EPHA3: variants seen among roughly 807,000 people sequenced by gnomAD.
EPHA3 encodes the protein EPH receptor A3.
In EPHA3, 42 loss-of-function variants were observed where a neutral mutation model predicts 107.1. That is an observed-to-expected ratio of 0.39 (90% CI 0.31 to 0.51). The LOEUF (loss-of-function observed/expected upper bound fraction) is 0.51, where lower values mean the gene tolerates loss of function less well. Among genes scored for constraint, EPHA3 ranks in the 20% least tolerant of loss-of-function variants. EPHA3 has a pLI of 0.78. For missense variants in EPHA3, 1,183 were observed against 1,211.2 expected, an observed-to-expected ratio of 0.98 and a Z score of 0.35; for synonymous variants, 461 against 424.8, an observed-to-expected ratio of 1.09 and a Z score of -1.05.
intron 2 of EPHA3, among the ~76,000 whole-genome samples, chr3:89,152,092 C>G (rs1188656627): frequency 6.6e-6 from 1 of 152,040 alleles, no homozygotes; most frequent in Non-Finnish European, 1.5e-5. Context: ...TTTATGTTAT[C>G]TCAAATATTT....
intron 3 of EPHA3, among the ~76,000 whole-genome samples, chr3:89,238,458 A>G (rs1309693859): frequency 6.6e-6 from 1 of 152,194 alleles, no homozygotes; most frequent in East Asian, 1.9e-4. Flanking sequence ...AAAGATTTCA[A>G]TATTGTATTT....
chr3:89,345,591 C>T, intron 5 of EPHA3, among the ~76,000 whole-genome samples: 1 of 147,744 alleles, frequency 6.8e-6, no homozygotes, highest in African/African-American at 2.5e-5. Flanking sequence ...CTCCTGAACA[C>T]TTCAGTGACA....
intron 3 of EPHA3, among the ~76,000 whole-genome samples, chr3:89,279,508 TA>T (rs924575913): frequency 6.6e-6 from 1 of 152,106 alleles, no homozygotes; most frequent in Non-Finnish European, 1.5e-5. Context: ...TAAGAAATGT[TA>T]AAAAATACAT....
At chr3:89,211,767 C>T (rs1434486746) in intron 3 of EPHA3, among the ~76,000 whole-genome samples, 2 of 132,926 alleles carry the variant, frequency 1.5e-5, no homozygotes, top group African/African-American at 3.0e-5. Context: ...TCTTCTTCTT[C>T]TTCTTCTTCT....
chr3:89,326,218 C>T (rs1324329827), intron 3 of EPHA3, among the ~76,000 whole-genome samples: 1 of 151,896 alleles, frequency 6.6e-6, no homozygotes, highest in African/African-American at 2.4e-5. Context: ...TGCTCAAGTC[C>T]CTTGTATATA....
chr3:89,276,367 A>T (rs1705807089), intron 3 of EPHA3, among the ~76,000 whole-genome samples: 1 of 152,106 alleles, frequency 6.6e-6, no homozygotes, highest in African/African-American at 2.4e-5. Flanking sequence ...ATTATTGATC[A>T]AACCTGTCAC....
In EPHA3 at chr3:89,126,007, CA is replaced by C. The variant is rs976494470; in HGVS notation, c.89-1193del. ...ATTTAAAAGATTAATGTTTGCTTTG[CA>C]AAAAAAAATACTTGAGATGACTTTT... On this transcript the variant is annotated intron_variant, in intron 1 of 16. Transcript: ENST00000336596. Among the ~76,000 whole-genome samples the C allele has an allele frequency of 3.0e-3, 451 of 148,622 alleles. 4 individuals carry two copies. The highest frequency in any genetic ancestry group is 0.01 in the African/African-American group (421 of 40,660).
At chr3:89,343,568 C>T (rs564670458) in intron 5 of EPHA3, among the ~76,000 whole-genome samples, 35 of 152,264 alleles carry the variant, frequency 2.3e-4, no homozygotes, top group African/African-American at 8.4e-4. Context: ...CTGTCTTCCC[C>T]ATGCCAATGG....
At chr3:89,434,754 A>G (rs546812803) in intron 13 of EPHA3, among the ~76,000 whole-genome samples, 5 of 152,270 alleles carry the variant, frequency 3.3e-5, no homozygotes, top group African/African-American at 1.2e-4. Flanking sequence ...GCTCTTTAAC[A>G]TTTCTGAAAT....
chr3:89,361,441 G>T (rs1708089122), intron 5 of EPHA3, among the ~76,000 whole-genome samples: 1 of 150,804 alleles, frequency 6.6e-6, no homozygotes, highest in African/African-American at 2.4e-5. Context: ...GCCAACTAAT[G>T]ACATGATATA....
At position 89,132,064 on chromosome 3, in the gene EPHA3, G is replaced by C. The variant is rs370873820; in HGVS notation, c.153+4791G>C. ...AAGTGTAAGTAAAGCCAATGAGACT[G>C]GTGCAGAATTCCAGTGATTTCTAGG... On this transcript the variant is annotated intron_variant, in intron 2 of 16. Coordinates refer to ENST00000336596, the MANE Select transcript of EPHA3 (RefSeq NM_005233.6). Among the ~76,000 whole-genome samples the C allele has an allele frequency of 2.6e-5, 4 of 152,164 alleles. No individual in the cohort carries two copies. The East Asian group carries it at 5.8e-4, about 22-fold the overall frequency.
intron 3 of EPHA3, among the ~76,000 whole-genome samples, chr3:89,329,749 C>T (rs578243383): frequency 6.6e-6 from 1 of 152,100 alleles, no homozygotes; most frequent in East Asian, 1.9e-4. Context: ...ATTTTCATAA[C>T]ACCATTAAAT....
chr3:89,228,957 T>C (rs1704564341), intron 3 of EPHA3, among the ~76,000 whole-genome samples: 1 of 151,978 alleles, frequency 6.6e-6, no homozygotes, highest in Admixed American at 6.6e-5. Flanking sequence ...TGTAGTGAAG[T>C]TAACATGTGT....
chr3:89,274,252 GT>G (rs1705750511), intron 3 of EPHA3, among the ~76,000 whole-genome samples: 1 of 151,866 alleles, frequency 6.6e-6, no homozygotes, highest in Non-Finnish European at 1.5e-5. Flanking sequence ...AATAATTGAT[GT>G]TTTGTATGCT....
At chr3:89,424,802 G>A (rs1709424847) in intron 11 of EPHA3, among the ~76,000 whole-genome samples, 1 of 151,352 alleles carries the variant, frequency 6.6e-6, no homozygotes, top group Non-Finnish European at 1.5e-5. Flanking sequence ...GCTCTAACTA[G>A]CATAATGGAC....
In EPHA3 at chr3:89,351,108, T is replaced by A. The variant is rs926478203; in HGVS notation, c.1306+9018T>A. ...CTGCCCCCAGAGGTGGAGCCTACAG[T>A]GGCAGGCAGGACTCCTTGAACTGTG... On this transcript the variant is annotated intron_variant, in intron 5 of 16. Transcript: ENST00000336596. 1.4e-4 allele frequency among the ~76,000 whole-genome samples: 21 copies of A among 151,432 alleles called. No individual in the cohort carries two copies. In the East Asian group the frequency reaches 2.7e-3, roughly 20 times the overall value.
intron 2 of EPHA3, among the ~76,000 whole-genome samples, chr3:89,150,805 T>C (rs1375679147): frequency 6.6e-6 from 1 of 152,042 alleles, no homozygotes; most frequent in African/African-American, 2.4e-5. Flanking sequence ...ATTTTTAGTA[T>C]AGAATTTACT....
chr3:89,243,752 C>A (rs1233820943), intron 3 of EPHA3, among the ~76,000 whole-genome samples: 4 of 152,124 alleles, frequency 2.6e-5, no homozygotes, highest in Non-Finnish European at 5.9e-5. Flanking sequence ...TGTGCAGAAG[C>A]TCTTTAGCCT....
Position 89,340,924 on chromosome 3 carries a change from C to A in EPHA3, c.823C>A (p.Pro275Thr), listed in dbSNP as rs201468736. 1 of 1,601,238 alleles carries A rather than the reference C, an allele frequency of 6.2e-7. No individual in the cohort carries two copies. The highest frequency in any genetic ancestry group is 8.5e-7 in the Non-Finnish European group (1 of 1,175,584). ...AGTCATTTTGTTTGTAGCTTGTCGA[C>A]CAGGTTTCTACAAGGCATTGGATGG... ...ERGFMCQACR[P>T]GFYKALDGNM... The change falls in exon 4 of 17, where the codon CCA becomes ACA. Residue 275 changes from proline (P) to threonine (T), a missense_variant. Physicochemically the swap from Pro to Thr is conservative, Grantham distance 38. Coordinates refer to ENST00000336596, the MANE Select transcript of EPHA3 (RefSeq NM_005233.6).
Sources: gnomAD v4.1 joint callset for allele counts (sites outside exome capture counted in the v4.1 genomes callset) on GRCh38, gnomAD v4.1.1 for gene constraint, MANE v1.5 for transcripts, NCBI Gene and HGNC (gene_info 2026-07-23, HGNC 2026-07-21) for gene names.